SPICE1: variants seen among roughly 807,000 people sequenced by gnomAD.
SPICE1 encodes spindle and centriole associated protein 1.
Under a neutral mutation model 102.7 loss-of-function variants are expected in SPICE1, and 75 were observed. That is an observed-to-expected ratio of 0.73 (90% CI 0.61 to 0.88). The LOEUF (loss-of-function observed/expected upper bound fraction) is 0.88. Among genes scored for constraint, SPICE1 ranks in the 40% least tolerant of loss-of-function variants. The pLI, the probability that SPICE1 is intolerant of heterozygous loss-of-function variation, is 0.00. For missense variants in SPICE1, 979 were observed against 1,020.1 expected, an observed-to-expected ratio of 0.96 and a Z score of 0.55; for synonymous variants, 308 against 350.3, an observed-to-expected ratio of 0.88 and a Z score of 1.35.
chr3:113,480,936 A>AAAGG (rs1439355282), intron 7 of SPICE1, among the ~76,000 whole-genome samples: 2 of 26,208 alleles, frequency 7.6e-5, no homozygotes, highest in African/African-American at 2.1e-4. Flanking sequence ...AAGAAAAAAG[A>AAAGG]CCTCAGTACT....
At chr3:113,496,626 T>G (rs1439910218) in intron 4 of SPICE1, among the ~76,000 whole-genome samples, 1 of 152,196 alleles carries the variant, frequency 6.6e-6, no homozygotes, top group African/African-American at 2.4e-5. Context: ...TTACAGCAAA[T>G]GAAATCTAAG....
chr3:113,468,031 C>T, intron 10 of SPICE1, 108 bp downstream of exon 10: 1 of 1,406,326 alleles, frequency 7.1e-7, no homozygotes, highest in Non-Finnish European at 9.7e-7. Flanking sequence ...TTAAACGAAG[C>T]TATTCAAATT....
rs1334662978 is a variant in SPICE1, at chr3:113,443,551, G to A, written c.*1756C>T. ...ACTATGAGATTCAAATGAGATAATG[G>A]TGATACCACAGCTTATAGTACGGTG... On this transcript the variant is annotated 3_prime_UTR_variant, in exon 18 of 18. Coordinates refer to ENST00000295872, the MANE Select transcript of SPICE1 (RefSeq NM_144718.4). 3 of 152,302 alleles carry A rather than the reference G, an allele frequency of 2.0e-5. No homozygotes were observed. Among genetic ancestry groups the A allele is most frequent in the Middle Eastern group, 3.4e-3 (1 of 294 alleles). 9.4% of individuals were successfully genotyped at this position (152,302 alleles called of 1,614,324 possible).
At chr3:113,448,628 T>G (rs528094432) in intron 15 of SPICE1, among the ~76,000 whole-genome samples, 9 of 152,204 alleles carry the variant, frequency 5.9e-5, no homozygotes, top group Admixed American at 2.0e-4. Flanking sequence ...ATAGCAAGTA[T>G]AATTATGAAT....
At chr3:113,451,844 A>T (rs7613728) in intron 14 of SPICE1, among the ~76,000 whole-genome samples, 5,578 of 152,052 alleles carry the variant, frequency 0.037, 186 homozygotes, top group African/African-American at 0.09. Context: ...TATTGTCCTT[A>T]TTCCCCATGA....
rs1936114156 is a variant in SPICE1, at chr3:113,468,372, T to C, written c.922A>G (p.Lys308Glu). Residue 308 changes from lysine to glutamate, a missense_variant, in exon 10 of 18, where the codon AAG becomes GAG. Coordinates refer to ENST00000295872, the MANE Select transcript of SPICE1 (RefSeq NM_144718.4). ...CCTGATGATATGTTTTTCTTCGGCT[T>C]GGAAAGAGCATGCAAATTCGGTTTC... ...KRKPNLHALS[K>E]PKKNISSGST... 2.5e-6 allele frequency: 4 copies of C among 1,614,042 alleles called. No individual in the cohort carries two copies. The highest frequency in any genetic ancestry group is 3.4e-6 in the Non-Finnish European group (4 of 1,179,928).
At chr3:113,487,538 C>G (rs1248353391) in intron 7 of SPICE1, among the ~76,000 whole-genome samples, 2 of 152,066 alleles carry the variant, frequency 1.3e-5, no homozygotes, top group African/African-American at 4.8e-5. Flanking sequence ...AAATACCCTT[C>G]TTTAATAAAA....
chr3:113,450,295 C>G (rs778028971), intron 15 of SPICE1, 41 bp downstream of exon 15: 9 of 1,607,450 alleles, frequency 5.6e-6, no homozygotes, highest in Admixed American at 1.7e-5. Context: ...AACTGAAAAC[C>G]TTCATATTTC....
intron 7 of SPICE1, among the ~76,000 whole-genome samples, chr3:113,471,654 C>G (rs1210149013): frequency 6.6e-6 from 1 of 151,930 alleles, no homozygotes; most frequent in African/African-American, 2.4e-5. Flanking sequence ...ACGGGATACG[C>G]ATGGAAGCAT....
intron 7 of SPICE1, among the ~76,000 whole-genome samples, chr3:113,485,292 C>G (rs928113048): frequency 5.3e-5 from 8 of 151,860 alleles, no homozygotes; most frequent in African/African-American, 1.9e-4. Flanking sequence ...CTCAGCGGGT[C>G]CCACACCACG....
intron 7 of SPICE1, among the ~76,000 whole-genome samples, chr3:113,471,436 T>C (rs1024033548): frequency 6.6e-6 from 1 of 152,194 alleles, no homozygotes; most frequent in Non-Finnish European, 1.5e-5. Flanking sequence ...TTTCAGAAGC[T>C]AGAAGAAGCA....
chr3:113,511,505 AG>A (rs764384881), intron 1 of SPICE1, among the ~76,000 whole-genome samples: 2 of 152,366 alleles, frequency 1.3e-5, no homozygotes, highest in Non-Finnish European at 1.5e-5. Flanking sequence ...AAACGAATGC[AG>A]GAACAGAAAA....
intron 1 of SPICE1, among the ~76,000 whole-genome samples, chr3:113,508,168 A>T (rs995803977): frequency 2.6e-5 from 4 of 152,216 alleles, no homozygotes; most frequent in African/African-American, 4.8e-5. Context: ...CTAAAACTAC[A>T]AAATTCTTAG....
At chr3:113,448,166 T>C in intron 15 of SPICE1, 26 bp from the exon 16 acceptor site, 2 of 1,534,114 alleles carry the variant, frequency 1.3e-6, no homozygotes, top group Non-Finnish European at 1.8e-6. Context: ...AAATATTAGT[T>C]CCATTACCTT....
intron 3 of SPICE1, among the ~76,000 whole-genome samples, chr3:113,502,886 T>G (rs1470086718): frequency 4.6e-5 from 7 of 152,056 alleles, no homozygotes; most frequent in Non-Finnish European, 2.9e-5. Flanking sequence ...TGAAGATATC[T>G]ATAGATTTTT....
In SPICE1 at chr3:113,483,158, TTAG is replaced by T. The variant is rs1228367311; in HGVS notation, c.611+5784_611+5786del. The stretch of plus-strand genomic sequence containing the variant: ...TTGGATTCCTAGGTATTTTATTCTC[TTAG>T]TAGCAATTGTGAATGGGAGTTCACT... On this transcript the variant is annotated intron_variant, in intron 7 of 17. Transcript: ENST00000295872. Among the ~76,000 whole-genome samples, 5 of 152,338 alleles carry T rather than the reference TTAG, an allele frequency of 3.3e-5. No homozygotes were observed. The South Asian group carries it at 6.2e-4, about 19-fold the overall frequency.
At chr3:113,464,722 TC>T (rs1936011782) in intron 11 of SPICE1, among the ~76,000 whole-genome samples, 1 of 152,122 alleles carries the variant, frequency 6.6e-6, no homozygotes, top group Non-Finnish European at 1.5e-5. Flanking sequence ...CTGTGTACAC[TC>T]AAGAAGCATA....
At chr3:113,446,439 C>G in intron 17 of SPICE1, 150 bp downstream of exon 17, 1 of 673,268 alleles carries the variant, frequency 1.5e-6, no homozygotes, top group South Asian at 2.0e-5. Context: ...CTTGTTTTTC[C>G]TAAAAAGGTA....
intron 1 of SPICE1, among the ~76,000 whole-genome samples, chr3:113,513,668 G>C (rs1937263340): frequency 1.3e-5 from 2 of 152,168 alleles, no homozygotes; most frequent in African/African-American, 4.8e-5. Context: ...TAGTGAATCA[G>C]ATAACAGAAT....
Sources: allele counts gnomAD v4.1 joint callset (sites outside exome capture counted in the v4.1 genomes callset), GRCh38; gene constraint gnomAD v4.1.1; transcripts MANE v1.5; gene names NCBI Gene and HGNC (gene_info 2026-07-23, HGNC 2026-07-21).